The following GPD2 variants were observed in gnomAD, a reference collection of about 807,000 sequenced individuals.
GPD2 encodes glycerol-3-phosphate dehydrogenase 2.
GPD2 carries 54 observed loss-of-function variants against 82.4 expected under a neutral mutation model. The observed-to-expected ratio is 0.66, with a 90% confidence interval of 0.53 to 0.82. GPD2 has a LOEUF of 0.82. Among genes scored for constraint, GPD2 ranks in the 40% least tolerant of loss-of-function variants. The probability of loss-of-function intolerance (pLI) is 0.00; values close to 1 mark genes in which losing one functional copy is unlikely to be tolerated. For missense variants in GPD2, 748 were observed against 896.2 expected, an observed-to-expected ratio of 0.83 and a Z score of 2.11; for synonymous variants, 288 against 306.1, an observed-to-expected ratio of 0.94 and a Z score of 0.62.
At chr2:156,512,066 T>C (rs1301519852) in intron 4 of GPD2, among the ~76,000 whole-genome samples, 154 bp from the exon 5 acceptor site, 1 of 152,180 alleles carries the variant, frequency 6.6e-6, no homozygotes, top group African/African-American at 2.4e-5. Flanking sequence ...GTTGACAGCA[T>C]GATGTATTAT....
rs1210663314 is a variant in GPD2, at chr2:156,583,183, T to A, written c.*265T>A. 2.3e-6 allele frequency: 1 copy of A among 432,770 alleles called. No individual in the cohort carries two copies. The highest frequency in any genetic ancestry group is 4.3e-6 in the Non-Finnish European group (1 of 232,150). The allele number at this position is 432,770 out of a possible 1,614,324, so 26.8% of individuals were successfully genotyped here. A position where few individuals can be genotyped will look rare whatever the true frequency, so the allele number is the denominator to read the frequency against. Reference sequence around the variant, plus strand: ...GCACATTAGTTTTGCATCTGTTTTGTGACCTGTTAGATGTGACACATTCTC... The same window carrying A: ...GCACATTAGTTTTGCATCTGTTTTGAGACCTGTTAGATGTGACACATTCTC... On this transcript the variant is annotated 3_prime_UTR_variant, in exon 17 of 17. Coordinates refer to ENST00000438166, the MANE Select transcript of GPD2 (RefSeq NM_000408.5).
At chr2:156,569,609 G>A in intron 11 of GPD2, 71 bp downstream of exon 11, 1 of 871,040 alleles carries the variant, frequency 1.1e-6, no homozygotes, top group South Asian at 1.6e-5. Context: ...AGAACTGGCA[G>A]CAATCAGGTC....
At chr2:156,577,890 CA>C in intron 13 of GPD2, among the ~76,000 whole-genome samples, 1 of 152,174 alleles carries the variant, frequency 6.6e-6, no homozygotes, top group Non-Finnish European at 1.5e-5. Context: ...AGATGCTAAG[CA>C]AAACTATAAA....
At chr2:156,499,092 CAT>C (rs1482818244) in intron 3 of GPD2, among the ~76,000 whole-genome samples, 1 of 152,028 alleles carries the variant, frequency 6.6e-6, no homozygotes, top group Non-Finnish European at 1.5e-5. Flanking sequence ...AATTCTAAGA[CAT>C]AAAGAGTTTG....
the GPD2 span, among the ~76,000 whole-genome samples, chr2:156,401,194 A>C: frequency 6.6e-6 from 1 of 152,200 alleles, no homozygotes; most frequent in Admixed American, 6.5e-5. Context: ...GCAGGCGAGA[A>C]TTCTACCACT....
chr2:156,448,666 A>G (rs1682452362), intron 1 of GPD2, among the ~76,000 whole-genome samples: 2 of 152,222 alleles, frequency 1.3e-5, no homozygotes, highest in Admixed American at 6.5e-5. Context: ...GGAGCAGAGC[A>G]TTCCAGGTAG....
the GPD2 span, among the ~76,000 whole-genome samples, chr2:156,417,570 C>T: frequency 1.3e-5 from 2 of 151,984 alleles, no homozygotes; most frequent in South Asian, 2.1e-4. Flanking sequence ...ACTGTTAGTT[C>T]GTGAGATGCT....
chr2:156,563,171 C>A (rs1392518681), intron 9 of GPD2, among the ~76,000 whole-genome samples: 2 of 152,004 alleles, frequency 1.3e-5, no homozygotes, highest in Non-Finnish European at 2.9e-5. Flanking sequence ...TTGGTAATAC[C>A]AGCTCTTATA....
At chr2:156,439,514 A>G (rs1224379739) in intron 1 of GPD2, among the ~76,000 whole-genome samples, 6 of 24,110 alleles carry the variant, frequency 2.5e-4, no homozygotes, top group South Asian at 2.6e-3. Context: ...ACTGTCTCAG[A>G]AAAAAAAAAA....
At chr2:156,474,642 G>A (rs1239359128) in intron 1 of GPD2, among the ~76,000 whole-genome samples, 2 of 152,004 alleles carry the variant, frequency 1.3e-5, no homozygotes, top group South Asian at 2.1e-4. Context: ...CAGTAAAAGC[G>A]GACAAAAGGA....
rs558726796 is a variant in GPD2 at position 156,495,289 on chromosome 2, G to A, written c.103-755G>A. Among the ~76,000 whole-genome samples the A allele has an allele frequency of 8.5e-5, 13 of 152,278 alleles. No homozygotes were observed. The East Asian group carries it at 2.5e-3, about 29-fold the overall frequency. Reference sequence around the variant, plus strand: ...ACCTGAACGTGGGGAGGATGAGGTTGCAGTAAGCTGTGATAGTGCCACCGC... The same window carrying A: ...ACCTGAACGTGGGGAGGATGAGGTTACAGTAAGCTGTGATAGTGCCACCGC... On this transcript the variant is annotated intron_variant, in intron 2 of 16. Transcript: ENST00000438166.
Position 156,561,040 on chromosome 2 carries a change from C to CTTTTTTTT in GPD2, c.1165+3476_1165+3483dup, listed in dbSNP as rs35948070. Among the ~76,000 whole-genome samples the CTTTTTTTT allele has an allele frequency of 3.0e-3, 82 of 27,630 alleles. 17 individuals carry two copies. The highest frequency in any genetic ancestry group is 7.0e-3 in the African/African-American group (50 of 7,098). The allele number at this position is 27,630 out of a possible 152,430, so 18.1% of individuals were successfully genotyped here. A position where few individuals can be genotyped will look rare whatever the true frequency, so the allele number is the denominator to read the frequency against. On this transcript the variant is annotated intron_variant, in intron 9 of 16. Transcript: ENST00000438166. Reference sequence around the variant, plus strand: ...GAAACTGAGGCCCAGTGACATTAAGCTTTTTTTTTTTTTTTTTTTTTTTTT... The same window carrying CTTTTTTTT: ...GAAACTGAGGCCCAGTGACATTAAGCTTTTTTTTTTTTTTTTTTTTTTTTTTTTTTTTT...
chr2:156,569,598 CAGA>C, intron 11 of GPD2, 60 bp downstream of exon 11: 15 of 1,203,070 alleles, frequency 1.2e-5, no homozygotes, highest in Non-Finnish European at 1.7e-5. Context: ...CTGCCAGTGA[CAGA>C]ACTGGCAGCA....
chr2:156,524,297 A>C (rs1387758191), intron 6 of GPD2, among the ~76,000 whole-genome samples: 1 of 152,214 alleles, frequency 6.6e-6, no homozygotes, highest in Non-Finnish European at 1.5e-5. Flanking sequence ...CTGCATAAGA[A>C]GCAACACCTA....
chr2:156,426,114 G>A, the GPD2 span, among the ~76,000 whole-genome samples: 6 of 151,866 alleles, frequency 4.0e-5, no homozygotes, highest in Admixed American at 2.6e-4. Flanking sequence ...TAGTAGAGAC[G>A]GGGTTTCACC....
intron 3 of GPD2, among the ~76,000 whole-genome samples, chr2:156,505,717 T>C (rs1414279830): frequency 6.6e-6 from 1 of 152,188 alleles, no homozygotes; most frequent in Non-Finnish European, 1.5e-5. Flanking sequence ...GAATCCTGGG[T>C]GCATTATTTT....
chr2:156,557,418 C>A lies in GPD2; in HGVS notation c.1001C>A (p.Ala334Glu). 3 of 1,609,266 alleles carry A rather than the reference C, an allele frequency of 1.9e-6. No homozygotes were observed. The highest frequency in any genetic ancestry group is 8.5e-7 in the Non-Finnish European group (1 of 1,175,864). The change falls in exon 9 of 17, where the codon GCG becomes GAG. Residue 334 changes from alanine to glutamate, a missense_variant. Physicochemically the swap from Ala to Glu is moderately radical, Grantham distance 107 (BLOSUM62 -1). Around this residue, in one of 3 missense-constraint regions of GPD2, gnomAD observed 692 missense variants for 809.7 expected, o/e 0.85. Transcript: ENST00000438166. ...SPESMGLLDP[A>E]TSDGRVIFFL... ...GAGAGCATGGGACTTCTTGACCCAG[C>A]GACCAGTGATGGGCGAGTTATTTTC... is the stretch of plus-strand genomic sequence containing the variant.
At chr2:156,406,986 A>ACC in the GPD2 span, among the ~76,000 whole-genome samples, 1 of 152,180 alleles carries the variant, frequency 6.6e-6, no homozygotes, top group African/African-American at 2.4e-5. Flanking sequence ...CAAGACGGGC[A>ACC]GATCACCTGA....
chr2:156,438,539 G>T (rs1454270858), intron 1 of GPD2, among the ~76,000 whole-genome samples: 2 of 152,158 alleles, frequency 1.3e-5, no homozygotes, highest in African/African-American at 2.4e-5. Context: ...GGTAGCTATG[G>T]TTATTAGAGA....
Sources: allele counts gnomAD v4.1 joint callset (sites outside exome capture counted in the v4.1 genomes callset), GRCh38; gene constraint gnomAD v4.1.1; regional missense constraint gnomAD v4.1.1; transcripts MANE v1.5; gene names NCBI Gene and HGNC (gene_info 2026-07-23, HGNC 2026-07-21).